IFT57: variants seen among roughly 807,000 people sequenced by gnomAD.
IFT57 encodes the protein intraflagellar transport protein 57 homolog.
A neutral mutation model predicts 56.8 loss-of-function variants in IFT57; 59 were observed. That is an observed-to-expected ratio of 1.04 (90% CI 0.84 to 1.29). The LOEUF is 1.29. Among genes scored for constraint, IFT57 ranks in the 50% most tolerant of loss-of-function variants. The pLI, the probability that IFT57 is intolerant of heterozygous loss-of-function variation, is 0.00. For synonymous variants in IFT57, 209 were observed against 186.1 expected (o/e 1.12, Z -1.00); for missense variants, 470 against 522.1 (o/e 0.90, Z 0.97).
rs189168349 is a variant in IFT57 at position 108,161,520 on chromosome 3, T to A, written c.*957A>T. The A allele has an allele frequency of 9.1e-6, 1 of 109,588 alleles. No homozygotes were observed. The highest frequency in any genetic ancestry group is 1.1e-4 in the Admixed American group (1 of 8,702). 6.8% of individuals were successfully genotyped at this position (109,588 alleles called of 1,614,324 possible). On this transcript the variant is annotated 3_prime_UTR_variant, in exon 11 of 11. Coordinates refer to ENST00000264538, the MANE Select transcript of IFT57 (RefSeq NM_018010.4). ...GCATTCTTATCAAATTTTCTACCAC[T>A]GCTTTTGAAAATTATTAAAAAAAAA...
chr3:108,207,952 A>T (rs1469012531), intron 4 of IFT57, among the ~76,000 whole-genome samples: 2 of 151,844 alleles, frequency 1.3e-5, no homozygotes, highest in Non-Finnish European at 2.9e-5. Context: ...CTGAGGCAGG[A>T]GAATAGCATG....
chr3:108,183,176 T>TA (rs913633929), intron 6 of IFT57, among the ~76,000 whole-genome samples: 7 of 152,020 alleles, frequency 4.6e-5, no homozygotes, highest in East Asian at 1.9e-4. Flanking sequence ...CATTGTGATT[T>TA]AAAAAAAACT....
At chr3:108,218,674 C>T in intron 2 of IFT57, 21 bp from the exon 3 acceptor site, 1 of 1,266,368 alleles carries the variant, frequency 7.9e-7, no homozygotes, top group Non-Finnish European at 1.1e-6. Context: ...AAAGAAAAAA[C>T]AGGGTATTAT....
At chr3:108,162,744 T>A in intron 10 of IFT57, 89 bp from the exon 11 acceptor site, 1 of 1,087,782 alleles carries the variant, frequency 9.2e-7, no homozygotes, top group Non-Finnish European at 1.2e-6. Flanking sequence ...CACTTTGTCT[T>A]AAGCCCAAAA....
At position 108,195,393 on chromosome 3, in the gene IFT57, G is replaced by C. The variant is rs182267788; in HGVS notation, c.655-3750C>G. 2.0e-5 allele frequency among the ~76,000 whole-genome samples: 3 copies of C among 152,244 alleles called. No homozygotes were observed. In the East Asian group the frequency reaches 5.8e-4, roughly 29 times the overall value. ...GTTGGTGGGAAAGTAAATTAATACA[G>C]TCACTATGGAGAACACTTTGGAGGT... On this transcript the variant is annotated intron_variant, in intron 5 of 10. Transcript: ENST00000264538.
At chr3:108,179,868 T>C (rs1259526986) in intron 6 of IFT57, among the ~76,000 whole-genome samples, 1 of 146,784 alleles carries the variant, frequency 6.8e-6, no homozygotes, top group Admixed American at 7.0e-5. Flanking sequence ...AAGCATAATT[T>C]TTATTTTTAT....
chr3:108,162,853 T>C lies in IFT57; in HGVS notation c.1112-198A>G, dbSNP rs554929350. On this transcript the variant is annotated intron_variant, in intron 10 of 10. Transcript: ENST00000264538. ...TTTTTAGGATGGAAAAATGATGTAG[T>C]GTTTGATGTATTGAGACTAAACTTT... Among the ~76,000 whole-genome samples the C allele has an allele frequency of 3.3e-5, 5 of 152,242 alleles. No individual in the cohort carries two copies. In the South Asian group the frequency reaches 1.0e-3, roughly 32 times the overall value.
intron 6 of IFT57, among the ~76,000 whole-genome samples, chr3:108,182,213 CAGA>C (rs2080154797): frequency 6.6e-6 from 1 of 151,898 alleles, no homozygotes; most frequent in South Asian, 2.1e-4. Context: ...GCATCCATGG[CAGA>C]AGGTCAAATC....
At chr3:108,210,684 T>C (rs527316316) in intron 4 of IFT57, among the ~76,000 whole-genome samples, 1 of 152,134 alleles carries the variant, frequency 6.6e-6, no homozygotes, top group South Asian at 2.1e-4. Flanking sequence ...AGAATCATGT[T>C]ATCCCACCAT....
intron 6 of IFT57, among the ~76,000 whole-genome samples, chr3:108,182,337 G>A (rs1369555): frequency 0.24 from 37,131 of 151,928 alleles, 5,975 homozygotes; most frequent in Non-Finnish European, 0.34. Context: ...AATTTCTGCA[G>A]GATTTGGCTT....
intron 6 of IFT57, among the ~76,000 whole-genome samples, chr3:108,187,944 T>G (rs1339758662): frequency 2.7e-5 from 4 of 150,030 alleles, no homozygotes; most frequent in Non-Finnish European, 4.5e-5. Context: ...AGGTTTTTGT[T>G]TTTTTTTTTT....
chr3:108,203,133 G>A (rs1244208444), intron 5 of IFT57, among the ~76,000 whole-genome samples: 1 of 152,234 alleles, frequency 6.6e-6, no homozygotes, highest in Non-Finnish European at 1.5e-5. Context: ...TTCACCTGGA[G>A]TATGCCCTTC....
chr3:108,173,764 C>CTGTGTGTG (rs2080107124), intron 6 of IFT57, among the ~76,000 whole-genome samples: 1 of 101,604 alleles, frequency 9.8e-6, no homozygotes, highest in African/African-American at 4.2e-5. Flanking sequence ...AAGTCAGGGA[C>CTGTGTGTG]TCTGTGTGTG....
chr3:108,175,406 C>T (rs767601375), intron 6 of IFT57, among the ~76,000 whole-genome samples: 56 of 151,904 alleles, frequency 3.7e-4, no homozygotes, highest in Middle Eastern at 6.8e-3. Flanking sequence ...AACCATAGAT[C>T]CCCTCCCCAC....
intron 5 of IFT57, among the ~76,000 whole-genome samples, chr3:108,200,984 T>G (rs1479081262): frequency 6.6e-6 from 1 of 152,194 alleles, no homozygotes; most frequent in East Asian, 1.9e-4. Flanking sequence ...AAGAAATGCA[T>G]GAAGCCCATA....
chr3:108,167,678 T>C, intron 7 of IFT57, 115 bp downstream of exon 7: 1 of 523,424 alleles, frequency 1.9e-6, no homozygotes, highest in African/African-American at 2.0e-5. Flanking sequence ...GTACATTCAA[T>C]TAGTAAGTTC....
chr3:108,222,204 A>C lies in IFT57; in HGVS notation c.119T>G (p.Met40Arg). 6.2e-7 allele frequency: 1 copy of C among 1,614,082 alleles called. No individual in the cohort carries two copies. The highest frequency in any genetic ancestry group is 8.5e-7 in the Non-Finnish European group (1 of 1,180,000). ...CACCAAGTCCTCCATCACCACGAAC[A>C]TGTGGTAGGCCGCGCCGGGCCCCCG... ...LERGPGAAYH[M>R]FVVMEDLVEK... The change falls in exon 1 of 11, where the codon ATG becomes AGG. Residue 40 changes from methionine (M) to arginine (R), a missense_variant. Coordinates refer to ENST00000264538, the MANE Select transcript of IFT57 (RefSeq NM_018010.4).
chr3:108,191,745 A>G, intron 5 of IFT57, 102 bp from the exon 6 acceptor site: 1 of 629,934 alleles, frequency 1.6e-6, no homozygotes. Flanking sequence ...AAGAATTGGT[A>G]GTGTTAAAAT....
intron 5 of IFT57, among the ~76,000 whole-genome samples, chr3:108,197,980 G>C (rs557025133): frequency 6.6e-6 from 1 of 152,094 alleles, no homozygotes; most frequent in Admixed American, 6.6e-5. Context: ...TTAACCCCTG[G>C]TATATTTTAG....
Sources: gnomAD v4.1 joint callset for allele counts (sites outside exome capture counted in the v4.1 genomes callset) on GRCh38, gnomAD v4.1.1 for gene constraint, MANE v1.5 for transcripts, NCBI Gene and HGNC (gene_info 2026-07-23, HGNC 2026-07-21) for gene names.